The following TRPS1 variants were observed in gnomAD, a reference collection of about 807,000 sequenced individuals.
TRPS1 encodes the protein transcriptional repressor GATA binding 1, also known as zinc finger transcription factor Trps1.
Under a neutral mutation model 101.2 loss-of-function variants are expected in TRPS1, and 6 were observed. That is an observed-to-expected ratio of 0.06 (90% confidence interval 0.03 to 0.12). The LOEUF (loss-of-function observed/expected upper bound fraction) is 0.12. TRPS1 is among the 10% of genes least tolerant of loss of function. The pLI is 1.00. For synonymous variants in TRPS1, 578 were observed against 589.8 expected (o/e 0.98, Z 0.29); for missense variants, 1,363 against 1,567.0 (o/e 0.87, Z 2.20).
intron 5 of TRPS1, chr8:115,492,134 C>T (rs966735754): frequency 2.6e-5 from 12 of 453,498 alleles, no homozygotes; most frequent in South Asian, 4.7e-5. Context: ...AGAGGGGTGA[C>T]GTTTGGTTAG....
chr8:115,525,093 G>A (rs1300554338), intron 5 of TRPS1, among the ~76,000 whole-genome samples: 1 of 152,066 alleles, frequency 6.6e-6, no homozygotes, highest in African/African-American at 2.4e-5. Context: ...AGCACCTGAT[G>A]CATTTTATTT....
At chr8:115,477,042 G>T (rs973881435) in intron 5 of TRPS1, among the ~76,000 whole-genome samples, 3 of 152,054 alleles carry the variant, frequency 2.0e-5, no homozygotes. Flanking sequence ...TTAATAACAC[G>T]AGGTTGGTTG....
intron 3 of TRPS1, among the ~76,000 whole-genome samples, chr8:115,615,742 C>T (rs182359651): frequency 6.6e-6 from 1 of 152,158 alleles, no homozygotes; most frequent in East Asian, 1.9e-4. Context: ...GCCTGGGTGA[C>T]AGAGTGAGAT....
Position 115,604,662 on chromosome 8 carries a change from G to A in TRPS1, c.1307C>T (p.Ser436Phe). The A allele has an allele frequency of 1.2e-6, 2 of 1,613,976 alleles. No individual in the cohort carries two copies. Among genetic ancestry groups the A allele is most frequent in the Non-Finnish European group, 1.7e-6 (2 of 1,179,978 alleles). Reference sequence around the variant, plus strand: ...GGTGGCCTCTGTACCATTTTGTCTAGAGGAATCGAGGGGCTTTATGGGCAC... The same window carrying A: ...GGTGGCCTCTGTACCATTTTGTCTAAAGGAATCGAGGGGCTTTATGGGCAC... ...YSVPIKPLDS[S>F]RQNGTEATSY... The change falls in exon 4 of 7, where the codon TCT (serine) becomes TTT (phenylalanine). Residue 436 changes from serine to phenylalanine, a missense_variant. Ser to Phe is a radical substitution (Grantham distance 155). This residue lies in a region of TRPS1 where 1,020 missense variants were observed against 1,073.0 expected (regional missense o/e 0.95). Coordinates refer to ENST00000395715, the MANE Select transcript of TRPS1 (RefSeq NM_014112.5). The surrounding 1 kb of genome is among the most constrained non-coding windows in gnomAD (Gnocchi z 4.1).
intron 2 of TRPS1, among the ~76,000 whole-genome samples, chr8:115,622,897 G>A (rs1229192820): frequency 2.0e-5 from 3 of 151,902 alleles, no homozygotes; most frequent in Admixed American, 6.6e-5. Flanking sequence ...AAATAGCAAG[G>A]GAACCAAGAT....
chr8:115,434,906 C>T (rs1316393286), intron 5 of TRPS1, among the ~76,000 whole-genome samples: 1 of 152,198 alleles, frequency 6.6e-6, no homozygotes, highest in Non-Finnish European at 1.5e-5. Flanking sequence ...TACTACCTTA[C>T]TTATAAACTC....
intron 4 of TRPS1, among the ~76,000 whole-genome samples, chr8:115,600,736 T>C (rs1817888820): frequency 1.3e-5 from 2 of 151,698 alleles, no homozygotes; most frequent in African/African-American, 4.9e-5. Flanking sequence ...CTAGTATAGT[T>C]GTTTTGTAGG....
chr8:115,574,885 A>G (rs1363983912), intron 5 of TRPS1, among the ~76,000 whole-genome samples: 5 of 152,126 alleles, frequency 3.3e-5, no homozygotes, highest in Non-Finnish European at 7.4e-5. Flanking sequence ...CCTTATTCAA[A>G]TAATCATATT....
chr8:115,500,750 G>A (rs10102792), intron 5 of TRPS1, among the ~76,000 whole-genome samples: 1 of 151,420 alleles, frequency 6.6e-6, no homozygotes, highest in African/African-American at 2.4e-5. Flanking sequence ...TTTTGTGTGT[G>A]TTTTTAGTAG....
chr8:115,522,293 C>T (rs1815884855), intron 5 of TRPS1, among the ~76,000 whole-genome samples: 1 of 151,810 alleles, frequency 6.6e-6, no homozygotes, highest in Admixed American at 6.6e-5. Context: ...ATGAGCTTTG[C>T]ATATCTGTGA....
intron 5 of TRPS1, among the ~76,000 whole-genome samples, chr8:115,443,102 A>G (rs970887475): frequency 1.3e-5 from 2 of 149,734 alleles, no homozygotes; most frequent in African/African-American, 4.9e-5. Context: ...TCTCAAAAAA[A>G]AAGAAAAAGG....
At chr8:115,463,630 T>C (rs534031086) in intron 5 of TRPS1, among the ~76,000 whole-genome samples, 1 of 152,242 alleles carries the variant, frequency 6.6e-6, no homozygotes, top group African/African-American at 2.4e-5. Flanking sequence ...AAGAAATAAC[T>C]ACTTTGCTAA....
At chr8:115,462,253 C>T (rs1474176151) in intron 5 of TRPS1, among the ~76,000 whole-genome samples, 4 of 152,202 alleles carry the variant, frequency 2.6e-5, no homozygotes, top group Non-Finnish European at 5.9e-5. Context: ...TCTTTGCAGA[C>T]AATCTATCAG....
chr8:115,590,139 C>CA (rs1409431735), intron 4 of TRPS1, among the ~76,000 whole-genome samples: 13 of 151,690 alleles, frequency 8.6e-5, no homozygotes, highest in South Asian at 4.2e-4. Flanking sequence ...ACAACAACAA[C>CA]AAAAAAAACC....
At chr8:115,509,592 T>C (rs1489523777) in intron 5 of TRPS1, 2 of 152,072 alleles carry the variant, frequency 1.3e-5, no homozygotes, top group African/African-American at 4.8e-5. Context: ...AATGTTCTTA[T>C]CATTTTACAG....
intron 5 of TRPS1, among the ~76,000 whole-genome samples, chr8:115,509,949 T>C (rs892716296): frequency 2.0e-5 from 3 of 152,062 alleles, no homozygotes; most frequent in Non-Finnish European, 4.4e-5. Context: ...CCTGCCAATA[T>C]TGCAGTAGGA....
intron 1 of TRPS1, among the ~76,000 whole-genome samples, chr8:115,663,931 T>C (rs1811866148): frequency 1.3e-5 from 2 of 151,922 alleles, no homozygotes; most frequent in African/African-American, 2.4e-5. Flanking sequence ...CATTATTGTG[T>C]CCATCAGAAA....
At chr8:115,585,319 C>T (rs1381891166) in intron 5 of TRPS1, among the ~76,000 whole-genome samples, 1 of 152,072 alleles carries the variant, frequency 6.6e-6, no homozygotes, top group Non-Finnish European at 1.5e-5. Context: ...TTTTTTATAC[C>T]ATTGCTTAAT....
Position 115,418,239 on chromosome 8 carries a change from C to A in TRPS1, c.2823+91G>T, listed in dbSNP as rs1196546971. ...TAAAACAACCCTGCGGGGGCAGGCA[C>A]TGCAAGCCAGGGAATGGGACTTATC... On this transcript the variant is annotated intron_variant, in intron 6 of 6. Transcript: ENST00000395715. This position sits in a 1 kb window ranked among gnomAD's most constrained non-coding sequence, Gnocchi z 4.3. 6.2e-7 allele frequency: 1 copy of A among 1,609,854 alleles called. No homozygotes were observed. Among genetic ancestry groups the A allele is most frequent in the Non-Finnish European group, 8.5e-7 (1 of 1,177,310 alleles).
Sources: allele counts gnomAD v4.1 joint callset (sites outside exome capture counted in the v4.1 genomes callset), GRCh38; gene constraint gnomAD v4.1.1; regional missense constraint gnomAD v4.1.1; non-coding constraint Gnocchi (gnomAD v3.1); transcripts MANE v1.5; gene names NCBI Gene and HGNC (gene_info 2026-07-23, HGNC 2026-07-21).